The following SMIM13 variants were observed in gnomAD, a reference collection of about 807,000 sequenced individuals.
The protein encoded by SMIM13 is small integral membrane protein 13.
SMIM13 carries 3 observed loss-of-function variants against 5.9 expected under a neutral mutation model. That is an observed-to-expected ratio of 0.51 (90% confidence interval 0.23 to 1.31). The LOEUF (loss-of-function observed/expected upper bound fraction) is 1.31. Ranked by LOEUF, SMIM13 falls within the 40% of genes most tolerant of loss-of-function variation. SMIM13 has a pLI of 0.18. For synonymous variants in SMIM13, 55 were observed against 46.0 expected (o/e 1.19, Z -0.79); for missense variants, 85 against 109.9 (o/e 0.77, Z 1.01).
intron 1 of SMIM13, among the ~76,000 whole-genome samples, chr6:11,130,273 C>A (rs866476763): frequency 0.011 from 1,372 of 119,978 alleles, 8 homozygotes; most frequent in South Asian, 0.031. Context: ...AAAAAAACAA[C>A]AACAACAACA....
chr6:11,094,473 A>C, intron 1 of SMIM13, 84 bp downstream of exon 1: 1 of 1,127,192 alleles, frequency 8.9e-7, no homozygotes, highest in Non-Finnish European at 1.3e-6. Context: ...TGTTTTTTTG[A>C]AAAAAACAAA....
chr6:11,129,083 G>A (rs561089725), intron 1 of SMIM13, among the ~76,000 whole-genome samples: 17 of 151,676 alleles, frequency 1.1e-4, no homozygotes, highest in Admixed American at 6.6e-4. Context: ...GGGAGCGGGG[G>A]GGGGATGATC....
chr6:11,130,954 G>A (rs1299030321), intron 1 of SMIM13, among the ~76,000 whole-genome samples: 1 of 152,074 alleles, frequency 6.6e-6, no homozygotes, highest in Non-Finnish European at 1.5e-5. Flanking sequence ...GGAATCTTTG[G>A]TTTTAATGAA....
chr6:11,113,471 C>T (rs1758196659), intron 1 of SMIM13, among the ~76,000 whole-genome samples: 1 of 152,126 alleles, frequency 6.6e-6, no homozygotes, highest in African/African-American at 2.4e-5. Flanking sequence ...AATTGTGTTA[C>T]TTTTATCAAG....
intron 1 of SMIM13, among the ~76,000 whole-genome samples, chr6:11,126,954 A>G (rs1192414625): frequency 2.6e-5 from 4 of 151,842 alleles, no homozygotes; most frequent in Non-Finnish European, 4.4e-5. Context: ...GCAAGCAGAA[A>G]CTCTTGTTCT....
In SMIM13 at chr6:11,108,751, A is replaced by G. The variant is rs566967355; in HGVS notation, c.76+14362A>G. Among the ~76,000 whole-genome samples, 12 of 152,348 alleles carry G rather than the reference A, an allele frequency of 7.9e-5. No homozygotes were observed. The East Asian group carries it at 2.3e-3, about 29-fold the overall frequency. On this transcript the variant is annotated intron_variant, in intron 1 of 1. Coordinates refer to ENST00000416247, the MANE Select transcript of SMIM13 (RefSeq NM_001135575.2). Reference sequence around the variant, plus strand: ...CTTTGCAGATGTCAGGCATAGGGGTACTGGGATCCAGTGCTAGTTTCTGGT... The same window carrying G: ...CTTTGCAGATGTCAGGCATAGGGGTGCTGGGATCCAGTGCTAGTTTCTGGT...
intron 1 of SMIM13, among the ~76,000 whole-genome samples, chr6:11,121,883 GC>G (rs1415166100): frequency 6.6e-6 from 1 of 152,100 alleles, no homozygotes; most frequent in East Asian, 1.9e-4. Flanking sequence ...GCAATGTCTG[GC>G]CAGTTTCTTT....
intron 1 of SMIM13, among the ~76,000 whole-genome samples, chr6:11,129,504 A>G (rs1233608377): frequency 2.6e-5 from 4 of 152,230 alleles, no homozygotes; most frequent in African/African-American, 9.6e-5. Context: ...GTATGCAGAT[A>G]TCTCTTGAAT....
rs1302708641 is a variant in SMIM13 at position 11,135,770 on chromosome 6, A to T, written c.*1168A>T. On this transcript the variant is annotated 3_prime_UTR_variant, in exon 2 of 2. Transcript: ENST00000416247. Reference sequence around the variant, plus strand: ...AGATTGATGTGATAAAAATCTGTTTAACTCAAAGCGCTGTTTCAATAAATA... The same window carrying T: ...AGATTGATGTGATAAAAATCTGTTTTACTCAAAGCGCTGTTTCAATAAATA... The T allele has an allele frequency of 6.6e-6, 1 of 152,332 alleles. No individual in the cohort carries two copies. The highest frequency in any genetic ancestry group is 1.5e-5 in the Non-Finnish European group (1 of 68,036). The allele number at this position is 152,332 out of a possible 1,614,324, so 9.4% of individuals were successfully genotyped here.
Position 11,109,528 on chromosome 6 carries a change from A to T in SMIM13, c.76+15139A>T, listed in dbSNP as rs141581791. On this transcript the variant is annotated intron_variant, in intron 1 of 1. Transcript: ENST00000416247. ...ACCAATGGGAAGGGGCTGCATGACT[A>T]TGGCCATGGATCTGTTTTACAAGCC... 4.6e-5 allele frequency among the ~76,000 whole-genome samples: 7 copies of T among 152,226 alleles called. No individual in the cohort carries two copies. In the East Asian group the frequency reaches 1.4e-3, roughly 29 times the overall value.
chr6:11,124,294 G>C (rs1469416272), intron 1 of SMIM13, among the ~76,000 whole-genome samples: 1 of 152,154 alleles, frequency 6.6e-6, no homozygotes, highest in East Asian at 1.9e-4. Flanking sequence ...ACATCCTCCA[G>C]TTTCATCCAT....
chr6:11,123,197 A>G (rs1343375732), intron 1 of SMIM13, among the ~76,000 whole-genome samples: 1 of 151,904 alleles, frequency 6.6e-6, no homozygotes, highest in Non-Finnish European at 1.5e-5. Flanking sequence ...AGCTGGGGGG[A>G]GGAGGAGCAA....
Position 11,117,648 on chromosome 6 carries a change from T to C in SMIM13, c.77-16755T>C, listed in dbSNP as rs1032477649. On this transcript the variant is annotated intron_variant, in intron 1 of 1. Transcript: ENST00000416247. ...AGATATTTCGTTATCAGTTTCTAAT[T>C]TGACTTTTTTATGGTCACACAATGT... is the stretch of plus-strand genomic sequence containing the variant. Among the ~76,000 whole-genome samples the C allele has an allele frequency of 3.9e-5, 6 of 152,166 alleles. 1 individual carries two copies. Among genetic ancestry groups the C allele is most frequent in the African/African-American group, 1.4e-4 (6 of 41,438 alleles).
chr6:11,134,847 T>G lies in SMIM13; in HGVS notation c.*245T>G. On this transcript the variant is annotated 3_prime_UTR_variant, in exon 2 of 2. Transcript: ENST00000416247. The stretch of plus-strand genomic sequence containing the variant: ...ACTTATACACTTATTCCTTGGCTTT[T>G]GGGCTTATTTTCTTGCACTGGTGCA... 3.3e-6 allele frequency: 1 copy of G among 300,260 alleles called. No individual in the cohort carries two copies. Among genetic ancestry groups the G allele is most frequent in the East Asian group, 5.6e-5 (1 of 17,836 alleles). The allele number at this position is 300,260 out of a possible 1,614,324, so 18.6% of individuals were successfully genotyped here.
chr6:11,102,182 T>C lies in SMIM13; in HGVS notation c.76+7793T>C, dbSNP rs188573936. On this transcript the variant is annotated intron_variant, in intron 1 of 1. Coordinates refer to ENST00000416247, the MANE Select transcript of SMIM13 (RefSeq NM_001135575.2). ...GGTCAAAATGCAGCTTGATTAATGC[T>C]TAATTATAATTATGTTTCTGTCCAG... 2.1e-4 allele frequency among the ~76,000 whole-genome samples: 32 copies of C among 152,366 alleles called. No individual in the cohort carries two copies. The East Asian group carries it at 6.0e-3, about 28-fold the overall frequency.
At chr6:11,119,828 G>T (rs1323344184) in intron 1 of SMIM13, among the ~76,000 whole-genome samples, 2 of 152,150 alleles carry the variant, frequency 1.3e-5, no homozygotes. Flanking sequence ...GGATTTGGAG[G>T]TACTATGATT....
At chr6:11,124,161 C>T (rs1002940853) in intron 1 of SMIM13, among the ~76,000 whole-genome samples, 2 of 152,146 alleles carry the variant, frequency 1.3e-5, no homozygotes, top group African/African-American at 4.8e-5. Context: ...CCTTCAGTAC[C>T]GTTCCCAGCC....
intron 1 of SMIM13, among the ~76,000 whole-genome samples, chr6:11,124,870 T>G (rs1473532819): frequency 6.6e-6 from 1 of 152,130 alleles, no homozygotes; most frequent in Non-Finnish European, 1.5e-5. Context: ...AGGACAGGTT[T>G]GGTGTTGACT....
rs979245965 is a variant in SMIM13, at chr6:11,135,492, A to G, written c.*890A>G. The G allele has an allele frequency of 6.6e-6, 1 of 152,644 alleles. No homozygotes were observed. The highest frequency in any genetic ancestry group is 2.4e-5 in the African/African-American group (1 of 41,456). The allele number at this position is 152,644 out of a possible 1,614,324, so 9.5% of individuals were successfully genotyped here. A position where few individuals can be genotyped will look rare whatever the true frequency, so the allele number is the denominator to read the frequency against. On this transcript the variant is annotated 3_prime_UTR_variant, in exon 2 of 2. Coordinates refer to ENST00000416247, the MANE Select transcript of SMIM13 (RefSeq NM_001135575.2). ...ACCGATTCATGCGTCGAGCAGGACT[A>G]TCATTAAGGCATCAAACATCGTTTT...
Sources: gnomAD v4.1 joint callset for allele counts (sites outside exome capture counted in the v4.1 genomes callset) on GRCh38, gnomAD v4.1.1 for gene constraint, MANE v1.5 for transcripts, NCBI Gene and HGNC (gene_info 2026-07-23, HGNC 2026-07-21) for gene names.